MCC: variants seen among roughly 807,000 people sequenced by gnomAD.
The protein encoded by MCC is MCC regulator of Wnt signaling pathway.
In MCC, 90 loss-of-function variants were observed where a neutral mutation model predicts 116.2. That is an observed-to-expected ratio of 0.77 (90% CI 0.65 to 0.92). MCC has a LOEUF of 0.92. MCC is among the 40% of genes least tolerant of loss of function. The pLI, the probability that MCC is intolerant of heterozygous loss-of-function variation, is 0.00. For synonymous variants in MCC, 578 were observed against 510.5 expected, an observed-to-expected ratio of 1.13 and a Z score of -1.78; for missense variants, 1,516 against 1,312.2, an observed-to-expected ratio of 1.16 and a Z score of -2.40.
chr5:113,281,472 A>G (rs1386158721), intron 3 of MCC, among the ~76,000 whole-genome samples: 1 of 152,218 alleles, frequency 6.6e-6, no homozygotes, highest in Non-Finnish European at 1.5e-5. Flanking sequence ...ACAGGCAGTG[A>G]CCACAATGCC....
chr5:113,140,378 T>G (rs1226814171), intron 5 of MCC, among the ~76,000 whole-genome samples: 1 of 152,226 alleles, frequency 6.6e-6, no homozygotes, highest in African/African-American at 2.4e-5. Context: ...TTTGAATTTA[T>G]TTGAATCTAC....
Position 113,222,713 on chromosome 5 carries a change from G to A in MCC, c.628-71291C>T, listed in dbSNP as rs1218638092. On this transcript the variant is annotated intron_variant, in intron 3 of 18. Transcript: ENST00000408903. ...TTTTGAAATGGCACATATTTCTGTTGTTTGACTTATGGGGCAATGATACAG... is the reference window on the plus strand; with the variant it reads ...TTTTGAAATGGCACATATTTCTGTTATTTGACTTATGGGGCAATGATACAG... Among the ~76,000 whole-genome samples, 3 of 152,208 alleles carry A rather than the reference G, an allele frequency of 2.0e-5. No individual in the cohort carries two copies. The South Asian group carries it at 6.2e-4, about 32-fold the overall frequency.
At chr5:113,036,706 G>T (rs1751353096) in intron 17 of MCC, among the ~76,000 whole-genome samples, 1 of 152,116 alleles carries the variant, frequency 6.6e-6, no homozygotes, top group Non-Finnish European at 1.5e-5. Flanking sequence ...GTGTTCCAGT[G>T]CCCTCTACCA....
intron 5 of MCC, among the ~76,000 whole-genome samples, chr5:113,126,462 T>C (rs547450000): frequency 6.6e-6 from 1 of 152,330 alleles, no homozygotes; most frequent in Admixed American, 6.5e-5. Flanking sequence ...TTGAACAACA[T>C]GTATTTGAGC....
intron 8 of MCC, among the ~76,000 whole-genome samples, chr5:113,100,177 T>A (rs1756306962): frequency 6.6e-6 from 1 of 152,142 alleles, no homozygotes; most frequent in Non-Finnish European, 1.5e-5. Flanking sequence ...GCCAGCCTTT[T>A]AATTATGACA....
At chr5:113,192,884 C>T (rs1762216007) in intron 3 of MCC, among the ~76,000 whole-genome samples, 1 of 152,236 alleles carries the variant, frequency 6.6e-6, no homozygotes, top group African/African-American at 2.4e-5. Context: ...TTTTCTATGG[C>T]TGCTGTAACA....
intron 3 of MCC, chr5:113,294,792 G>A: frequency 1.0e-6 from 1 of 987,344 alleles, no homozygotes; most frequent in Non-Finnish European, 1.2e-6. Flanking sequence ...ACACCCTAGA[G>A]GGCACCGGCG....
chr5:113,083,026 A>T lies in MCC; in HGVS notation c.1636-18T>A. On this transcript the variant is annotated intron_variant, in intron 10 of 18. Transcript: ENST00000408903. The stretch of plus-strand genomic sequence containing the variant: ...CTGGATACCTGCAAAAAGAAGCATT[A>T]ATTCCCCTTTGGAACATATCATTTC... The T allele has an allele frequency of 6.2e-7, 1 of 1,607,982 alleles. No individual in the cohort carries two copies. Among genetic ancestry groups the T allele is most frequent in the South Asian group, 1.1e-5 (1 of 89,796 alleles).
chr5:113,132,216 T>C (rs1272159663), intron 5 of MCC, among the ~76,000 whole-genome samples: 1 of 151,548 alleles, frequency 6.6e-6, no homozygotes, highest in African/African-American at 2.4e-5. Context: ...AATAGTATTG[T>C]AAAGTGATCT....
At chr5:113,311,836 G>A (rs531054176) in intron 3 of MCC, among the ~76,000 whole-genome samples, 1 of 152,212 alleles carries the variant, frequency 6.6e-6, no homozygotes, top group Non-Finnish European at 1.5e-5. Context: ...GGCTGGGCGC[G>A]GTGGCTGATG....
chr5:113,176,249 G>A (rs1761326561), intron 3 of MCC, among the ~76,000 whole-genome samples: 1 of 152,098 alleles, frequency 6.6e-6, no homozygotes, highest in South Asian at 2.1e-4. Context: ...CAACAATAAG[G>A]TCATAAAGCT....
At chr5:113,204,823 G>T (rs988352875) in intron 3 of MCC, among the ~76,000 whole-genome samples, 9 of 152,182 alleles carry the variant, frequency 5.9e-5, no homozygotes, top group Non-Finnish European at 1.2e-4. Flanking sequence ...ATTCAAGGTG[G>T]ATTAGTCTGG....
chr5:113,222,514 C>T (rs1197849054), intron 3 of MCC, among the ~76,000 whole-genome samples: 3 of 152,144 alleles, frequency 2.0e-5, no homozygotes, highest in Non-Finnish European at 4.4e-5. Flanking sequence ...TAAATGAATT[C>T]ACCAGTGAAT....
intron 14 of MCC, among the ~76,000 whole-genome samples, chr5:113,056,739 A>G (rs1752862893): frequency 6.6e-6 from 1 of 152,344 alleles, no homozygotes; most frequent in Non-Finnish European, 1.5e-5. Context: ...AGTAAAAAAA[A>G]AATAGAAATG....
intron 1 of MCC, among the ~76,000 whole-genome samples, chr5:113,418,221 G>A (rs1770211469): frequency 6.6e-6 from 1 of 151,362 alleles, no homozygotes; most frequent in Admixed American, 6.6e-5. Flanking sequence ...CGTTTAAATA[G>A]GGGTACACGT....
chr5:113,389,785 A>T (rs184281204), intron 1 of MCC, among the ~76,000 whole-genome samples: 3,212 of 152,294 alleles, frequency 0.021, 124 homozygotes, highest in African/African-American at 0.074. Context: ...AATGATACTT[A>T]AACTCTCAGA....
chr5:113,205,890 A>C (rs1289282863), intron 3 of MCC, among the ~76,000 whole-genome samples: 1 of 152,184 alleles, frequency 6.6e-6, no homozygotes, highest in Non-Finnish European at 1.5e-5. Flanking sequence ...CCAGCTTTGG[A>C]GGCCAGGGCA....
At chr5:113,351,832 C>A (rs868264161) in intron 2 of MCC, among the ~76,000 whole-genome samples, 1 of 151,980 alleles carries the variant, frequency 6.6e-6, no homozygotes, top group Non-Finnish European at 1.5e-5. Context: ...CTAAATGTAC[C>A]CACAATATTT....
chr5:113,078,573 A>C (rs1754621376), intron 11 of MCC, among the ~76,000 whole-genome samples: 1 of 152,224 alleles, frequency 6.6e-6, no homozygotes, highest in African/African-American at 2.4e-5. Context: ...GATTATCTCA[A>C]TAGATGCAGA....
Sources: gnomAD v4.1 joint callset for allele counts (sites outside exome capture counted in the v4.1 genomes callset) on GRCh38, gnomAD v4.1.1 for gene constraint, MANE v1.5 for transcripts, NCBI Gene and HGNC (gene_info 2026-07-23, HGNC 2026-07-21) for gene names.